PTGER3: variants seen among roughly 807,000 people sequenced by gnomAD.
The protein encoded by PTGER3 is prostaglandin E2 receptor EP3 subtype.
A neutral mutation model predicts 34.7 loss-of-function variants in PTGER3; 22 were observed. The observed-to-expected ratio is 0.63, with a 90% CI of 0.45 to 0.91. The LOEUF is 0.91. PTGER3 is among the 40% of genes least tolerant of loss of function. The probability of loss-of-function intolerance (pLI) is 0.00; values close to 1 mark genes in which losing one functional copy is unlikely to be tolerated. For missense variants in PTGER3, 468 were observed against 519.4 expected, an observed-to-expected ratio of 0.90 and a Z score of 0.96; for synonymous variants, 241 against 230.1, an observed-to-expected ratio of 1.05 and a Z score of -0.43.
intron 4 of PTGER3, among the ~76,000 whole-genome samples, chr1:70,873,642 G>A (rs1299715127): frequency 6.8e-6 from 1 of 148,052 alleles, no homozygotes; most frequent in Non-Finnish European, 1.5e-5. Context: ...GTGGCGATAT[G>A]TGAGGTGCTT....
chr1:71,010,657 G>T, intron 2 of PTGER3: 1 of 984,392 alleles, frequency 1.0e-6, no homozygotes, highest in South Asian at 4.7e-5. Flanking sequence ...ATGACCTACA[G>T]GATAATCCAA....
chr1:70,892,852 A>AG (rs901839246), intron 4 of PTGER3, among the ~76,000 whole-genome samples: 2 of 151,794 alleles, frequency 1.3e-5, no homozygotes, highest in South Asian at 2.1e-4. Flanking sequence ...AAAAAAAAAA[A>AG]AAAGAAAGAA....
intron 4 of PTGER3, among the ~76,000 whole-genome samples, chr1:70,887,326 G>A (rs1646519592): frequency 1.3e-5 from 2 of 152,052 alleles, no homozygotes; most frequent in South Asian, 4.2e-4. Context: ...TCTGTTAAAG[G>A]CTTTAGCTTT....
chr1:70,900,501 T>G (rs1646812510), intron 4 of PTGER3, among the ~76,000 whole-genome samples: 2 of 152,184 alleles, frequency 1.3e-5, no homozygotes, highest in African/African-American at 2.4e-5. Flanking sequence ...ATATCTCTTT[T>G]GTTGGCAATT....
chr1:71,043,851 C>T (rs1393605750), intron 1 of PTGER3, among the ~76,000 whole-genome samples: 1 of 150,208 alleles, frequency 6.7e-6, no homozygotes, highest in African/African-American at 2.4e-5. Flanking sequence ...GAGTCCTGCT[C>T]TGTCACCCGT....
intron 4 of PTGER3, among the ~76,000 whole-genome samples, chr1:70,925,886 C>T (rs1648031594): frequency 6.6e-6 from 1 of 151,962 alleles, no homozygotes; most frequent in South Asian, 2.1e-4. Flanking sequence ...ATATATGTTA[C>T]ATTCTTTAGT....
rs536501889 is a variant in PTGER3, at chr1:70,993,695, G to A, written c.1077+18610C>T. Among the ~76,000 whole-genome samples the A allele has an allele frequency of 9.9e-5, 15 of 152,258 alleles. No individual in the cohort carries two copies. The South Asian group carries it at 1.0e-3, about 11-fold the overall frequency. On this transcript the variant is annotated intron_variant, in intron 2 of 3. Coordinates refer to ENST00000306666, the MANE Select transcript of PTGER3 (RefSeq NM_198719.2). ...GTGTTACTTGCATTCTTTGCTCCTC[G>A]AGGGCATTTGCATCCCCACTGTGGT...
chr1:70,956,119 G>A (rs2100605774), intron 2 of PTGER3, among the ~76,000 whole-genome samples: 1 of 152,246 alleles, frequency 6.6e-6, no homozygotes, highest in East Asian at 1.9e-4. Context: ...TTCATTACAG[G>A]ATATCGTGAA....
chr1:70,913,795 TAAAC>T (rs1647113555), intron 4 of PTGER3, among the ~76,000 whole-genome samples: 1 of 151,934 alleles, frequency 6.6e-6, no homozygotes, highest in Non-Finnish European at 1.5e-5. Context: ...TTTTGAATGT[TAAAC>T]AACCTTATTT....
intron 1 of PTGER3, among the ~76,000 whole-genome samples, chr1:71,039,649 CAAAAAAAAAA>C (rs1183485427): frequency 5.3e-4 from 29 of 54,468 alleles, no homozygotes; most frequent in Non-Finnish European, 9.6e-4. Flanking sequence ...GACTCTGTCT[CAAAAAAAAAA>C]AAAAAAAAAA....
chr1:70,912,595 T>C (rs1008418369), intron 4 of PTGER3, among the ~76,000 whole-genome samples: 1 of 152,090 alleles, frequency 6.6e-6, no homozygotes, highest in East Asian at 1.9e-4. Flanking sequence ...AGCTGCAAGA[T>C]TGAAAAAGGC....
chr1:71,020,894 TCA>T (rs1658355945), intron 1 of PTGER3, among the ~76,000 whole-genome samples: 1 of 152,098 alleles, frequency 6.6e-6, no homozygotes, highest in Non-Finnish European at 1.5e-5. Context: ...AAAACATGAT[TCA>T]CACACACTTA....
At chr1:70,897,800 T>C (rs541788073) in intron 4 of PTGER3, among the ~76,000 whole-genome samples, 1 of 152,194 alleles carries the variant, frequency 6.6e-6, no homozygotes, top group Non-Finnish European at 1.5e-5. Flanking sequence ...TTTGTTTGTT[T>C]TGCATTTATT....
chr1:70,944,145 C>T (rs932838833), intron 4 of PTGER3, among the ~76,000 whole-genome samples: 2 of 151,982 alleles, frequency 1.3e-5, no homozygotes, highest in Non-Finnish European at 2.9e-5. Context: ...AATAATTATT[C>T]AATCATCTTT....
chr1:70,862,221 CA>C, intron 4 of PTGER3: 1 of 745,408 alleles, frequency 1.3e-6, no homozygotes, highest in Non-Finnish European at 1.8e-6. Context: ...AAATGAGATA[CA>C]TAAAACAAAT....
At chr1:71,018,982 C>T (rs1273569848) in intron 1 of PTGER3, among the ~76,000 whole-genome samples, 1 of 152,194 alleles carries the variant, frequency 6.6e-6, no homozygotes, top group Non-Finnish European at 1.5e-5. Flanking sequence ...GAGCATGCTA[C>T]TGCCATTTCC....
intron 4 of PTGER3, among the ~76,000 whole-genome samples, chr1:70,942,817 A>G (rs1048952208): frequency 1.3e-5 from 2 of 152,168 alleles, no homozygotes; most frequent in Non-Finnish European, 2.9e-5. Flanking sequence ...ACATGCAGAG[A>G]GAGACAAGGG....
intron 2 of PTGER3, chr1:71,007,648 A>C: frequency 1.0e-6 from 1 of 985,428 alleles, no homozygotes; most frequent in South Asian, 4.7e-5. Flanking sequence ...TAGAACGTTG[A>C]AGTGTATTAG....
intron 4 of PTGER3, among the ~76,000 whole-genome samples, chr1:70,923,526 A>G (rs1051401829): frequency 1.3e-5 from 2 of 152,182 alleles, no homozygotes; most frequent in South Asian, 4.1e-4. Flanking sequence ...GGAGATTATT[A>G]CGTTAGAATA....
Sources: gnomAD v4.1 joint callset for allele counts (sites outside exome capture counted in the v4.1 genomes callset) on GRCh38, gnomAD v4.1.1 for gene constraint, MANE v1.5 for transcripts, NCBI Gene and HGNC (gene_info 2026-07-23, HGNC 2026-07-21) for gene names.